The following GRIA2 variants were observed in gnomAD, a reference collection of about 807,000 sequenced individuals.
GRIA2 encodes glutamate receptor 2.
In GRIA2, 14 loss-of-function variants were observed where a neutral mutation model predicts 97.3. The observed-to-expected ratio is 0.14, with a 90% CI of 0.10 to 0.23. GRIA2 has a LOEUF of 0.23. Ranked by LOEUF, GRIA2 falls within the 10% of genes least tolerant of loss-of-function variation. The pLI is 1.00. For synonymous variants in GRIA2, 412 were observed against 387.8 expected (o/e 1.06, Z -0.73); for missense variants, 558 against 1,069.8 (o/e 0.52, Z 6.67).
At chr4:157,305,386 T>A (rs536834487) in intron 3 of GRIA2, among the ~76,000 whole-genome samples, 6 of 152,290 alleles carry the variant, frequency 3.9e-5, no homozygotes, top group Admixed American at 1.3e-4. Context: ...TGTCTTTTTT[T>A]AATCCATTTT....
chr4:157,359,019 G>A (rs1736519388), intron 12 of GRIA2, among the ~76,000 whole-genome samples: 1 of 152,100 alleles, frequency 6.6e-6, no homozygotes, highest in Admixed American at 6.6e-5. Flanking sequence ...CTTCCCAAAA[G>A]GGATTAAAGT....
At chr4:157,223,670 G>C (rs1461885483) in intron 2 of GRIA2, among the ~76,000 whole-genome samples, 1 of 152,182 alleles carries the variant, frequency 6.6e-6, no homozygotes, top group Non-Finnish European at 1.5e-5. Context: ...GCTTTGAAAA[G>C]TAATGACTCC....
intron 12 of GRIA2, among the ~76,000 whole-genome samples, chr4:157,344,942 A>C (rs762414654): frequency 9.2e-5 from 14 of 152,100 alleles, no homozygotes; most frequent in African/African-American, 2.4e-4. Flanking sequence ...CTCAATGTTA[A>C]TTGTTTCATA....
chr4:157,296,567 TAAAAG>T (rs1553953275), intron 2 of GRIA2, among the ~76,000 whole-genome samples: 1 of 152,114 alleles, frequency 6.6e-6, no homozygotes, highest in Non-Finnish European at 1.5e-5. Context: ...AATTTAAACT[TAAAAG>T]AATTCTCATG....
intron 7 of GRIA2, 66 bp downstream of exon 7, chr4:157,333,052 T>G: frequency 7.9e-7 from 1 of 1,264,180 alleles, no homozygotes; most frequent in South Asian, 1.4e-5. Flanking sequence ...TCCTGCTAAA[T>G]TAGTCATCCT....
At chr4:157,333,403 C>G in intron 8 of GRIA2, 50 bp downstream of exon 8, 1 of 893,258 alleles carries the variant, frequency 1.1e-6, no homozygotes, top group Non-Finnish European at 1.8e-6. Context: ...GGTGAGTTAG[C>G]TAGCCTATGA....
chr4:157,291,170 A>G (rs1234381150), intron 2 of GRIA2, among the ~76,000 whole-genome samples: 1 of 151,948 alleles, frequency 6.6e-6, no homozygotes, highest in Non-Finnish European at 1.5e-5. Context: ...CAGAAATTAA[A>G]TAGCTATTAG....
chr4:157,353,347 T>C (rs10027845), intron 12 of GRIA2, among the ~76,000 whole-genome samples: 146,884 of 151,628 alleles, frequency 0.97, 71,283 homozygotes, highest in Middle Eastern at 1. Flanking sequence ...AGCAAAACTC[T>C]GTCTCAAAAA....
intron 2 of GRIA2, among the ~76,000 whole-genome samples, chr4:157,291,321 AT>A (rs1258705232): frequency 6.6e-6 from 1 of 151,862 alleles, no homozygotes; most frequent in Non-Finnish European, 1.5e-5. Flanking sequence ...TTGCTTTGCT[AT>A]TTTTTTATTT....
intron 2 of GRIA2, among the ~76,000 whole-genome samples, chr4:157,303,237 T>C (rs1385885918): frequency 1.3e-5 from 2 of 152,166 alleles, no homozygotes; most frequent in Admixed American, 1.3e-4. Flanking sequence ...TTTGTTCTTA[T>C]AGCTAATTTT....
intron 2 of GRIA2, among the ~76,000 whole-genome samples, chr4:157,264,553 A>G (rs992358639): frequency 1.3e-5 from 2 of 152,140 alleles, no homozygotes; most frequent in Admixed American, 1.3e-4. Context: ...GCTCATTAGT[A>G]GCTTTAATTC....
intron 2 of GRIA2, among the ~76,000 whole-genome samples, chr4:157,251,697 T>G (rs1731029310): frequency 6.6e-6 from 1 of 152,140 alleles, no homozygotes; most frequent in African/African-American, 2.4e-5. Flanking sequence ...GTTCTTCCAA[T>G]AACACTGTCA....
At chr4:157,236,041 A>T (rs1055851880) in intron 2 of GRIA2, among the ~76,000 whole-genome samples, 17 of 152,160 alleles carry the variant, frequency 1.1e-4, no homozygotes, top group Admixed American at 4.6e-4. Flanking sequence ...GGGGTTTGAG[A>T]ATTTCAGGTA....
At chr4:157,264,873 A>G (rs1731698155) in intron 2 of GRIA2, among the ~76,000 whole-genome samples, 1 of 152,050 alleles carries the variant, frequency 6.6e-6, no homozygotes, top group Non-Finnish European at 1.5e-5. Context: ...GTTCATAAAT[A>G]CACACACGCT....
At chr4:157,334,727 TG>T (rs1200535604) in intron 9 of GRIA2, 1 of 152,242 alleles carries the variant, frequency 6.6e-6, no homozygotes, top group East Asian at 1.9e-4. Context: ...GAGAAAATGG[TG>T]TTCGTTATAG....
intron 2 of GRIA2, among the ~76,000 whole-genome samples, chr4:157,293,831 G>A (rs1348567786): frequency 6.6e-6 from 1 of 152,076 alleles, no homozygotes; most frequent in Non-Finnish European, 1.5e-5. Flanking sequence ...CCCTTAACAA[G>A]CATGAAGTCA....
intron 4 of GRIA2, among the ~76,000 whole-genome samples, chr4:157,313,871 A>G (rs1734197287): frequency 2.6e-5 from 4 of 152,292 alleles, no homozygotes; most frequent in Admixed American, 2.6e-4. Context: ...CAATTAACAC[A>G]TACTTTGTAT....
At chr4:157,358,557 A>G (rs1353973439) in intron 12 of GRIA2, among the ~76,000 whole-genome samples, 1 of 152,174 alleles carries the variant, frequency 6.6e-6, no homozygotes, top group East Asian at 1.9e-4. Flanking sequence ...CTTTAGAGTT[A>G]AAGTGCCTTT....
chr4:157,339,718 T>A (rs1212778851), intron 11 of GRIA2, among the ~76,000 whole-genome samples: 1 of 151,880 alleles, frequency 6.6e-6, no homozygotes, highest in African/African-American at 2.4e-5. Flanking sequence ...AATCAGCTTT[T>A]GTTTTAAGGG....
Sources: gnomAD v4.1 joint callset for allele counts (sites outside exome capture counted in the v4.1 genomes callset) on GRCh38, gnomAD v4.1.1 for gene constraint, MANE v1.5 for transcripts, NCBI Gene and HGNC (gene_info 2026-07-23, HGNC 2026-07-21) for gene names.